WDR27: variants seen among roughly 807,000 people sequenced by gnomAD.
WDR27 encodes WD repeat-containing protein 27.
In WDR27, 100 loss-of-function variants were observed where a neutral mutation model predicts 114.4. The observed-to-expected ratio is 0.87, with a 90% CI of 0.74 to 1.03. The LOEUF (loss-of-function observed/expected upper bound fraction) is 1.03. Among genes scored for constraint, WDR27 ranks in the 50% least tolerant of loss-of-function variants. The pLI is 0.00. For synonymous variants in WDR27, 449 were observed against 423.1 expected, an observed-to-expected ratio of 1.06 and a Z score of -0.75; for missense variants, 1,129 against 1,092.9, an observed-to-expected ratio of 1.03 and a Z score of -0.47.
Position 169,459,959 on chromosome 6 carries a change from C to T in WDR27, c.2646-2325G>A, listed in dbSNP as rs558057858. Among the ~76,000 whole-genome samples the T allele has an allele frequency of 1.2e-3, 175 of 152,082 alleles. No individual in the cohort carries two copies. In the Middle Eastern group the frequency reaches 0.02, roughly 18 times the overall value. On this transcript the variant is annotated intron_variant, in intron 25 of 25. Transcript: ENST00000448612. ...AGACCTGCCCTGCCAGAAATGTGTA[C>T]GGGAGCCCCACAAGGTGAAATAAAA...
chr6:169,486,052 C>T (rs74825225), intron 25 of WDR27, among the ~76,000 whole-genome samples: 2,672 of 152,162 alleles, frequency 0.018, 81 homozygotes, highest in African/African-American at 0.061. Flanking sequence ...TATTGGGTGA[C>T]AGGCCTAGTA....
At chr6:169,595,867 C>CA (rs1164842729) in intron 23 of WDR27, among the ~76,000 whole-genome samples, 3 of 147,096 alleles carry the variant, frequency 2.0e-5, no homozygotes, top group Admixed American at 1.4e-4. Flanking sequence ...GTTTTATACT[C>CA]AAAAAAAAAT....
intron 25 of WDR27, among the ~76,000 whole-genome samples, chr6:169,507,219 A>G (rs192330408): frequency 7.4e-4 from 112 of 152,350 alleles, no homozygotes; most frequent in Non-Finnish European, 1.4e-3. Context: ...TGTGGCATCT[A>G]TAAGCTGCCT....
intron 25 of WDR27, among the ~76,000 whole-genome samples, chr6:169,542,264 T>A (rs1393635406): frequency 6.6e-6 from 1 of 152,158 alleles, no homozygotes; most frequent in Non-Finnish European, 1.5e-5. Context: ...ATTGACTTTA[T>A]AATAGGGAAA....
chr6:169,602,594 T>G (rs1214639982), intron 22 of WDR27, among the ~76,000 whole-genome samples: 1 of 152,140 alleles, frequency 6.6e-6, no homozygotes, highest in African/African-American at 2.4e-5. Context: ...TGTAAACATA[T>G]TCTGGAAATT....
At chr6:169,701,024 A>T (rs1361952682) in intron 1 of WDR27, among the ~76,000 whole-genome samples, 1 of 152,226 alleles carries the variant, frequency 6.6e-6, no homozygotes, top group Non-Finnish European at 1.5e-5. Flanking sequence ...TGCTAAAGAT[A>T]CCATAGTCTT....
At chr6:169,584,080 C>T (rs1241495032) in intron 23 of WDR27, among the ~76,000 whole-genome samples, 1 of 136,016 alleles carries the variant, frequency 7.4e-6, no homozygotes, top group Non-Finnish European at 1.6e-5. Context: ...CCTATGTCTA[C>T]CCTGTTAACC....
chr6:169,575,370 A>C (rs1368793496), intron 24 of WDR27, among the ~76,000 whole-genome samples: 6 of 102,320 alleles, frequency 5.9e-5, no homozygotes, highest in African/African-American at 8.4e-5. Context: ...CTCTCTCTCC[A>C]TCCATCCATC....
chr6:169,612,954 AAAC>A (rs1475259220), intron 22 of WDR27, among the ~76,000 whole-genome samples: 2 of 152,260 alleles, frequency 1.3e-5, no homozygotes, highest in East Asian at 3.8e-4. Context: ...ATTCAACAGT[AAAC>A]AACAATTATT....
intron 25 of WDR27, among the ~76,000 whole-genome samples, chr6:169,490,410 C>A (rs1789596318): frequency 6.6e-6 from 1 of 152,206 alleles, no homozygotes; most frequent in South Asian, 2.1e-4. Context: ...GCAAGTACAA[C>A]ATCAAATCAT....
intron 16 of WDR27, among the ~76,000 whole-genome samples, chr6:169,644,376 A>C (rs80307005): frequency 0.036 from 5,221 of 144,832 alleles, 158 homozygotes; most frequent in East Asian, 0.067. Flanking sequence ...GTCACACTGT[A>C]GAAAATCCTA....
intron 19 of WDR27, 88 bp downstream of exon 19, chr6:169,636,283 A>T (rs1438885015): frequency 1.3e-6 from 2 of 1,498,468 alleles, no homozygotes; most frequent in African/African-American, 2.8e-5. Flanking sequence ...TTGGGGCAAC[A>T]TTTTAAAATG....
intron 23 of WDR27, among the ~76,000 whole-genome samples, chr6:169,590,014 G>A (rs1805409444): frequency 7.9e-6 from 1 of 126,638 alleles, no homozygotes; most frequent in African/African-American, 2.9e-5. Flanking sequence ...AAATCTGTGG[G>A]TGCTGGAATA....
chr6:169,523,177 T>C (rs1473011659), intron 25 of WDR27, among the ~76,000 whole-genome samples: 3 of 151,804 alleles, frequency 2.0e-5, no homozygotes, highest in Non-Finnish European at 4.4e-5. Flanking sequence ...TGCCAACAAA[T>C]TGAAAAATCT....
intron 25 of WDR27, among the ~76,000 whole-genome samples, chr6:169,569,627 T>G (rs1801047968): frequency 6.6e-6 from 1 of 152,210 alleles, no homozygotes; most frequent in African/African-American, 2.4e-5. Context: ...TATTTTCCTT[T>G]TTTTCTCAAC....
At chr6:169,578,517 A>G (rs1162096099) in intron 24 of WDR27, among the ~76,000 whole-genome samples, 23 of 152,188 alleles carry the variant, frequency 1.5e-4, no homozygotes, top group Non-Finnish European at 4.4e-5. Context: ...TCTTATTACA[A>G]TTGTGTGCAG....
chr6:169,554,425 A>T (rs1798594016), intron 25 of WDR27, among the ~76,000 whole-genome samples: 1 of 152,138 alleles, frequency 6.6e-6, no homozygotes, highest in Admixed American at 6.5e-5. Flanking sequence ...CAAATCACAG[A>T]TGTGCTACGA....
At chr6:169,500,455 G>A (rs1791028395) in intron 25 of WDR27, among the ~76,000 whole-genome samples, 1 of 152,162 alleles carries the variant, frequency 6.6e-6, no homozygotes. Context: ...TTATCAAGGA[G>A]AGTCACCCAT....
chr6:169,491,139 G>C (rs1027606662), intron 25 of WDR27, among the ~76,000 whole-genome samples: 1 of 152,100 alleles, frequency 6.6e-6, no homozygotes, highest in African/African-American at 2.4e-5. Context: ...AAAGAACACG[G>C]GCATTTAAGA....
Sources: allele counts gnomAD v4.1 joint callset (sites outside exome capture counted in the v4.1 genomes callset), GRCh38; gene constraint gnomAD v4.1.1; transcripts MANE v1.5; gene names NCBI Gene and HGNC (gene_info 2026-07-23, HGNC 2026-07-21).